MEF2A: variants seen among roughly 807,000 people sequenced by gnomAD.
MEF2A encodes myocyte enhancer factor 2A.
Under a neutral mutation model 55.8 loss-of-function variants are expected in MEF2A, and 28 were observed. That is an observed-to-expected ratio of 0.50 (90% CI 0.37 to 0.69). The LOEUF is 0.69. Ranked by LOEUF, MEF2A falls within the 30% of genes least tolerant of loss-of-function variation. MEF2A has a pLI of 0.00. For synonymous variants in MEF2A, 239 were observed against 227.1 expected (o/e 1.05, Z -0.47); for missense variants, 528 against 626.2 (o/e 0.84, Z 1.67).
rs1255530789 is a variant in MEF2A at position 99,674,466 on chromosome 15, C to T, written c.464C>T (p.Thr155Ile). The T allele has an allele frequency of 4.3e-6, 7 of 1,613,868 alleles. No individual in the cohort carries two copies. Among genetic ancestry groups the T allele is most frequent in the East Asian group, 2.2e-5 (1 of 44,890 alleles). ...PVTSPNALSY[T>I]NPGSSLVSPS... ...ACCAGCCCCAATGCTTTGTCCTACA[C>T]TAACCCAGGGAGTTCACTGGTGTCC... Residue 155 changes from threonine (T) to isoleucine (I), a missense_variant, in exon 6 of 12, where the codon ACT becomes ATT. Thr to Ile is a moderately conservative substitution (Grantham distance 89). Coordinates refer to ENST00000557942, the MANE Select transcript of MEF2A (RefSeq NM_001319206.4).
chr15:99,585,212 G>T (rs1215622016), intron 1 of MEF2A, among the ~76,000 whole-genome samples: 1 of 151,980 alleles, frequency 6.6e-6, no homozygotes, highest in Non-Finnish European at 1.5e-5. Flanking sequence ...TATTTTCAGG[G>T]TTAAGGTTAT....
intron 2 of MEF2A, among the ~76,000 whole-genome samples, chr15:99,613,271 A>G (rs968488999): frequency 3.9e-5 from 6 of 152,200 alleles, no homozygotes; most frequent in African/African-American, 1.4e-4. Flanking sequence ...TGCAGAGTAT[A>G]TGTTTTAGTT....
chr15:99,645,014 TAGAG>T (rs1185663103), intron 3 of MEF2A, among the ~76,000 whole-genome samples: 1 of 152,066 alleles, frequency 6.6e-6, no homozygotes, highest in Non-Finnish European at 1.5e-5. Context: ...GGGTCTCTGT[TAGAG>T]AGGATTTCAG....
intron 2 of MEF2A, among the ~76,000 whole-genome samples, chr15:99,610,399 C>A: frequency 9.0e-6 from 1 of 111,390 alleles, no homozygotes; most frequent in Non-Finnish European, 1.7e-5. Flanking sequence ...CAAAGTCCAG[C>A]TGGTCTCCCC....
intron 2 of MEF2A, among the ~76,000 whole-genome samples, chr15:99,617,495 A>G (rs2040405698): frequency 6.6e-6 from 1 of 152,166 alleles, no homozygotes; most frequent in Non-Finnish European, 1.5e-5. Context: ...ACATTTTTGA[A>G]TGATGTATAA....
At chr15:99,577,929 A>G (rs1964803019) in intron 1 of MEF2A, among the ~76,000 whole-genome samples, 1 of 152,200 alleles carries the variant, frequency 6.6e-6, no homozygotes, top group African/African-American at 2.4e-5. Flanking sequence ...GTATCATATC[A>G]GGAGGTATGT....
At chr15:99,696,295 C>T (rs530916399) in intron 8 of MEF2A, among the ~76,000 whole-genome samples, 1 of 152,292 alleles carries the variant, frequency 6.6e-6, no homozygotes, top group East Asian at 1.9e-4. Context: ...CACTCGACAA[C>T]AGCAGAACAC....
chr15:99,675,971 C>T (rs182273315), intron 7 of MEF2A, among the ~76,000 whole-genome samples: 29 of 151,336 alleles, frequency 1.9e-4, no homozygotes, highest in South Asian at 1.7e-3. Context: ...ATCCGGGAGG[C>T]GGTGGTTGCA....
intron 8 of MEF2A, among the ~76,000 whole-genome samples, chr15:99,701,887 G>A (rs894723835): frequency 2.0e-5 from 3 of 152,150 alleles, no homozygotes; most frequent in African/African-American, 7.2e-5. Flanking sequence ...ATGTTTACAA[G>A]AATTGTTAGT....
At chr15:99,618,681 A>C (rs766967213) in intron 2 of MEF2A, among the ~76,000 whole-genome samples, 13 of 152,198 alleles carry the variant, frequency 8.5e-5, no homozygotes, top group Non-Finnish European at 1.5e-4. Context: ...TGTGTAGTAC[A>C]TATACACATA....
At chr15:99,654,127 G>A (rs911835204) in intron 4 of MEF2A, among the ~76,000 whole-genome samples, 4 of 151,798 alleles carry the variant, frequency 2.6e-5, no homozygotes, top group African/African-American at 4.8e-5. Flanking sequence ...AAATGGTTTC[G>A]TTACTTTGGT....
intron 1 of MEF2A, among the ~76,000 whole-genome samples, chr15:99,596,044 G>A (rs539009953): frequency 1.2e-4 from 19 of 152,032 alleles, no homozygotes; most frequent in Middle Eastern, 3.4e-3. Flanking sequence ...TTTAAAGAGC[G>A]TGTCTCATTA....
At chr15:99,572,669 T>C (rs1962825242) in intron 1 of MEF2A, among the ~76,000 whole-genome samples, 1 of 152,190 alleles carries the variant, frequency 6.6e-6, no homozygotes, top group South Asian at 2.1e-4. Context: ...CTTGCACACA[T>C]AGTTATAGTT....
chr15:99,688,745 A>C (rs2054792546), intron 7 of MEF2A, among the ~76,000 whole-genome samples: 1 of 152,182 alleles, frequency 6.6e-6, no homozygotes, highest in South Asian at 2.1e-4. Context: ...CAACAGGGCA[A>C]GTCTCCGTCT....
intron 1 of MEF2A, among the ~76,000 whole-genome samples, chr15:99,570,471 T>C (rs781521056): frequency 4.6e-5 from 7 of 152,222 alleles, no homozygotes; most frequent in Non-Finnish European, 1.0e-4. Context: ...ATTAAAATTA[T>C]ATGCTTGAGA....
chr15:99,666,610 T>TAATAATAATAAA (rs558175306), intron 4 of MEF2A, among the ~76,000 whole-genome samples: 31 of 148,426 alleles, frequency 2.1e-4, no homozygotes, highest in Admixed American at 7.4e-4. Flanking sequence ...ATAATAATAA[T>TAATAATAATAAA]AAAAAGATCA....
intron 4 of MEF2A, 145 bp downstream of exon 4, chr15:99,645,909 A>C (rs2045889467): frequency 1.7e-6 from 1 of 584,764 alleles, no homozygotes; most frequent in African/African-American, 1.9e-5. Context: ...TAGAAGAGTG[A>C]TTGCTGTATG....
intron 2 of MEF2A, among the ~76,000 whole-genome samples, chr15:99,629,772 C>T (rs1464263867): frequency 6.6e-6 from 1 of 152,138 alleles, no homozygotes; most frequent in Non-Finnish European, 1.5e-5. Context: ...AACCCTGTCT[C>T]TACTAAAAAT....
intron 8 of MEF2A, among the ~76,000 whole-genome samples, chr15:99,692,852 A>T (rs1331171643): frequency 6.6e-6 from 1 of 152,192 alleles, no homozygotes; most frequent in Non-Finnish European, 1.5e-5. Context: ...CTCTTAGGGC[A>T]CTGTTGAAAT....
Sources: allele counts gnomAD v4.1 joint callset (sites outside exome capture counted in the v4.1 genomes callset), GRCh38; gene constraint gnomAD v4.1.1; transcripts MANE v1.5; gene names NCBI Gene and HGNC (gene_info 2026-07-23, HGNC 2026-07-21).